USP15: variants seen among roughly 807,000 people sequenced by gnomAD.
USP15 encodes ubiquitin carboxyl-terminal hydrolase 15.
USP15 carries 18 observed loss-of-function variants against 127.1 expected under a neutral mutation model. The ratio of observed to expected loss-of-function variants is 0.14; its 90% CI spans 0.10 to 0.21. The LOEUF is 0.21. USP15 is among the 10% of genes least tolerant of loss of function. The pLI, the probability that USP15 is intolerant of heterozygous loss-of-function variation, is 1.00. For synonymous variants in USP15, 364 were observed against 393.7 expected, an observed-to-expected ratio of 0.92 and a Z score of 0.89; for missense variants, 805 against 1,159.9, an observed-to-expected ratio of 0.69 and a Z score of 4.44.
At chr12:62,351,665 A>G (rs1472426134) in intron 7 of USP15, among the ~76,000 whole-genome samples, 1 of 152,000 alleles carries the variant, frequency 6.6e-6, no homozygotes, top group Non-Finnish European at 1.5e-5. Context: ...TAGAGTCTTA[A>G]GTTTGAATGA....
chr12:62,391,361 C>T lies in USP15; in HGVS notation c.2165C>T (p.Thr722Ile). The stretch of plus-strand genomic sequence containing the variant: ...TTCCAGTTCAACAACTTAGGCAATA[C>T]TGATATCAACTACATCAAAGATGAT... ...FTFQFNNLGN[T>I]DINYIKDDTR... The change falls in exon 16 of 22, where the codon ACT (threonine) becomes ATT (isoleucine). Residue 722 changes from threonine to isoleucine, a missense_variant. Thr to Ile is a moderately conservative substitution (Grantham distance 89). Coordinates refer to ENST00000280377, the MANE Select transcript of USP15 (RefSeq NM_001252078.2). 2 of 1,613,118 alleles carry T rather than the reference C, an allele frequency of 1.2e-6. No individual in the cohort carries two copies. Among genetic ancestry groups the T allele is most frequent in the Non-Finnish European group, 1.7e-6 (2 of 1,179,558 alleles).
At chr12:62,263,885 C>T (rs11612366) in intron 1 of USP15, among the ~76,000 whole-genome samples, 12,343 of 152,072 alleles carry the variant, frequency 0.081, 601 homozygotes, top group Middle Eastern at 0.16. Flanking sequence ...TCTGATGAGA[C>T]AAAAAGATAA....
At chr12:62,373,067 CT>C (rs1323278136) in intron 8 of USP15, among the ~76,000 whole-genome samples, 1 of 152,112 alleles carries the variant, frequency 6.6e-6, no homozygotes, top group South Asian at 2.1e-4. Flanking sequence ...GTCTTCTAGC[CT>C]TTTTGCTGGT....
rs147222456 is a variant in USP15 at position 62,299,196 on chromosome 12, C to T, written c.218-3594C>T. Among the ~76,000 whole-genome samples the T allele has an allele frequency of 4.6e-3, 699 of 152,154 alleles. 8 individuals carry two copies. The highest frequency in any genetic ancestry group is 0.016 in the African/African-American group (684 of 41,536). ...TAGAATCTCAGCTCACTGCAACCTCCGCATCCCAGGTTCGAGCGATTATCC... is the reference window on the plus strand; with the variant it reads ...TAGAATCTCAGCTCACTGCAACCTCTGCATCCCAGGTTCGAGCGATTATCC... On this transcript the variant is annotated intron_variant, in intron 2 of 21. Coordinates refer to ENST00000280377, the MANE Select transcript of USP15 (RefSeq NM_001252078.2).
At chr12:62,343,099 T>TGCCCAGTGAGGG (rs1486674960) in intron 6 of USP15, among the ~76,000 whole-genome samples, 4 of 152,140 alleles carry the variant, frequency 2.6e-5, no homozygotes, top group Middle Eastern at 3.2e-3. Flanking sequence ...TGCATTTTCT[T>TGCCCAGTGAGGG]CAGAGATGCC....
intron 7 of USP15, among the ~76,000 whole-genome samples, chr12:62,354,332 A>G (rs1486731965): frequency 6.6e-6 from 1 of 152,136 alleles, no homozygotes; most frequent in Admixed American, 6.6e-5. Context: ...TGCTAGAGAT[A>G]CTGATTTATC....
intron 20 of USP15, among the ~76,000 whole-genome samples, chr12:62,398,136 A>T (rs2067556574): frequency 6.6e-6 from 1 of 151,566 alleles, no homozygotes; most frequent in East Asian, 2.0e-4. Flanking sequence ...GACTACAGGC[A>T]CATGCCACCA....
chr12:62,269,977 C>T (rs1328771472), intron 1 of USP15, among the ~76,000 whole-genome samples: 2 of 151,902 alleles, frequency 1.3e-5, no homozygotes, highest in South Asian at 2.1e-4. Flanking sequence ...TCTAAGTGGC[C>T]GTAATTTTAC....
chr12:62,361,856 G>C (rs2066328895), intron 8 of USP15, among the ~76,000 whole-genome samples: 1 of 151,994 alleles, frequency 6.6e-6, no homozygotes, highest in Non-Finnish European at 1.5e-5. Flanking sequence ...CTGGGCAGGG[G>C]AGAGGGTCAG....
chr12:62,347,162 T>C (rs1255083378), intron 6 of USP15, among the ~76,000 whole-genome samples: 1 of 152,102 alleles, frequency 6.6e-6, no homozygotes, highest in Non-Finnish European at 1.5e-5. Flanking sequence ...AATGTTTGAG[T>C]GTTTAAATGA....
Position 62,401,173 on chromosome 12 carries a change from A to AT in USP15, c.2675-7dup. 6.3e-7 allele frequency: 1 copy of AT among 1,595,580 alleles called. No individual in the cohort carries two copies. Among genetic ancestry groups the AT allele is most frequent in the Non-Finnish European group, 8.6e-7 (1 of 1,166,526 alleles). On this transcript the variant is annotated splice_polypyrimidine_tract_variant and intron_variant, in intron 20 of 21. Coordinates refer to ENST00000280377, the MANE Select transcript of USP15 (RefSeq NM_001252078.2). ...AGATCATTTTCGTCACAGTGATTATATTTTTTTCATTAGATACTGCTTTTG... is the reference window on the plus strand; with the variant it reads ...AGATCATTTTCGTCACAGTGATTATATTTTTTTTCATTAGATACTGCTTTTG...
chr12:62,379,447 A>G (rs2066924143), intron 8 of USP15, among the ~76,000 whole-genome samples: 1 of 152,178 alleles, frequency 6.6e-6, no homozygotes, highest in Admixed American at 6.5e-5. Context: ...GATGAGATGT[A>G]CATTTTAGGG....
chr12:62,279,815 G>A (rs914891784), intron 1 of USP15, among the ~76,000 whole-genome samples: 2 of 152,114 alleles, frequency 1.3e-5, no homozygotes, highest in African/African-American at 4.8e-5. Flanking sequence ...ATGATCTGTT[G>A]TGCCAGTACC....
At position 62,341,202 on chromosome 12, in the gene USP15, C is replaced by CT. The variant is rs146573800; in HGVS notation, c.684-8008dup. Reference sequence around the variant, plus strand: ...TCAGAGACTAGTATTTCAACCCCTGCTTTTTTTTTTTCCTTTCCATTTGCT... The same window carrying CT: ...TCAGAGACTAGTATTTCAACCCCTGCTTTTTTTTTTTTCCTTTCCATTTGCT... On this transcript the variant is annotated intron_variant, in intron 6 of 21. Coordinates refer to ENST00000280377, the MANE Select transcript of USP15 (RefSeq NM_001252078.2). 2.2e-3 allele frequency among the ~76,000 whole-genome samples: 319 copies of CT among 148,112 alleles called. 1 individual carries two copies. The highest frequency in any genetic ancestry group is 5.4e-3 in the African/African-American group (220 of 40,588).
chr12:62,392,192 T>A (rs2067348416), intron 17 of USP15, 80 bp from the exon 18 acceptor site: 3 of 930,714 alleles, frequency 3.2e-6, no homozygotes, highest in Admixed American at 2.7e-5. Context: ...GAGTTTTCAT[T>A]ATTATTCATA....
At chr12:62,371,464 A>G (rs2066664817) in intron 8 of USP15, among the ~76,000 whole-genome samples, 1 of 152,192 alleles carries the variant, frequency 6.6e-6, no homozygotes, top group Non-Finnish European at 1.5e-5. Context: ...TGGACAAGAT[A>G]ATTCTGGTCA....
rs556216791 is a variant in USP15, at chr12:62,359,469, C to T, written c.915+3994C>T. ...GTTACGTGAGTTGATGGTTTTAACT[C>T]GTAGGATGCTGACTGGCACATTATA... On this transcript the variant is annotated intron_variant, in intron 8 of 21. Transcript: ENST00000280377. Among the ~76,000 whole-genome samples, 46 of 152,094 alleles carry T rather than the reference C, an allele frequency of 3.0e-4. No homozygotes were observed. In the South Asian group the frequency reaches 8.5e-3, roughly 28 times the overall value.
chr12:62,276,575 T>C (rs185908805), intron 1 of USP15, among the ~76,000 whole-genome samples: 15 of 152,210 alleles, frequency 9.9e-5, no homozygotes, highest in Admixed American at 9.2e-4. Flanking sequence ...TAAAATCATA[T>C]ATGAGATAAC....
At chr12:62,336,181 A>G (rs1020474579) in intron 6 of USP15, 53 of 985,254 alleles carry the variant, frequency 5.4e-5, no homozygotes, top group East Asian at 1.1e-4. Context: ...AGGTGATTCT[A>G]TGCTAATCCT....
Sources: allele counts gnomAD v4.1 joint callset (sites outside exome capture counted in the v4.1 genomes callset), GRCh38; gene constraint gnomAD v4.1.1; transcripts MANE v1.5; gene names NCBI Gene and HGNC (gene_info 2026-07-23, HGNC 2026-07-21).